The following DNAH7 variants were observed in gnomAD, a reference collection of about 807,000 sequenced individuals.
The protein encoded by DNAH7 is axonemal beta dynein heavy chain 7.
DNAH7 carries 397 observed loss-of-function variants against 444.6 expected under a neutral mutation model. The observed-to-expected ratio is 0.89, with a 90% confidence interval of 0.82 to 0.97. DNAH7 has a LOEUF of 0.97. Ranked by LOEUF, DNAH7 falls within the 50% of genes least tolerant of loss-of-function variation. The pLI is 0.00. For synonymous variants in DNAH7, 1,636 were observed against 1,624.4 expected (o/e 1.01, Z -0.17); for missense variants, 4,902 against 4,800.8 (o/e 1.02, Z -0.62).
chr2:195,896,886 T>G (rs1702351415), intron 29 of DNAH7, among the ~76,000 whole-genome samples: 1 of 152,210 alleles, frequency 6.6e-6, no homozygotes, highest in Admixed American at 6.5e-5. Flanking sequence ...TGGACAATAC[T>G]AGCAACAGCA....
chr2:195,998,433 G>T (rs551421304), intron 12 of DNAH7, among the ~76,000 whole-genome samples: 1 of 151,986 alleles, frequency 6.6e-6, no homozygotes. Flanking sequence ...AAATAGCCAC[G>T]CATGGTGGCG....
chr2:195,994,878 A>C, intron 12 of DNAH7: 1 of 406,530 alleles, frequency 2.5e-6, no homozygotes. Context: ...ACAGGCCTTG[A>C]CATTGGGCCA....
chr2:196,045,851 CA>C (rs1697087625), intron 5 of DNAH7, among the ~76,000 whole-genome samples: 1 of 151,530 alleles, frequency 6.6e-6, no homozygotes. Context: ...TAAGCAAAAG[CA>C]ACATATGATA....
intron 32 of DNAH7, 32 bp downstream of exon 32, chr2:195,888,767 T>A: frequency 6.3e-7 from 1 of 1,582,496 alleles, no homozygotes; most frequent in Non-Finnish European, 8.6e-7. Flanking sequence ...CATTTTATAA[T>A]TTATAAAAAG....
chr2:195,909,245 T>C (rs559821510), intron 25 of DNAH7, among the ~76,000 whole-genome samples: 71 of 151,818 alleles, frequency 4.7e-4, no homozygotes, highest in Non-Finnish European at 9.4e-4. Flanking sequence ...AAAATAAAAA[T>C]TGGAAATAAA....
chr2:195,948,900 C>T lies in DNAH7; in HGVS notation c.3078+8361G>A, dbSNP rs193240274. Among the ~76,000 whole-genome samples, 30 of 152,236 alleles carry T rather than the reference C, an allele frequency of 2.0e-4. No homozygotes were observed. The East Asian group carries it at 3.1e-3, about 16-fold the overall frequency. ...ACTTTGGGCAGTATGGCCATTTTCA[C>T]GATACTGATTCTTCCTATCCATGAG... On this transcript the variant is annotated intron_variant, in intron 19 of 64. Coordinates refer to ENST00000312428, the MANE Select transcript of DNAH7 (RefSeq NM_018897.3).
chr2:195,907,228 T>G (rs1235797842), intron 25 of DNAH7, among the ~76,000 whole-genome samples: 1 of 151,988 alleles, frequency 6.6e-6, no homozygotes, highest in Non-Finnish European at 1.5e-5. Context: ...ATTAACATTT[T>G]TCTCCTTTCT....
Position 196,019,223 on chromosome 2 carries a change from A to T in DNAH7, c.816T>A (p.Asn272Lys). The T allele has an allele frequency of 6.5e-7, 1 of 1,531,828 alleles. No individual in the cohort carries two copies. Among genetic ancestry groups the T allele is most frequent in the East Asian group, 2.3e-5 (1 of 43,536 alleles). The allele number at this position is 1,531,828 out of a possible 1,614,324, so 94.9% of individuals were successfully genotyped here. ...AASSYIRDHL[N>K]AMNPTMLAVL... Reference sequence around the variant, plus strand: ...CAGCCAGCATTGTGGGGTTCATTGCATTCAAGTGATCCCTAATATAACTGC... The same window carrying T: ...CAGCCAGCATTGTGGGGTTCATTGCTTTCAAGTGATCCCTAATATAACTGC... The change falls in exon 9 of 65, where the codon AAT becomes AAA. Residue 272 changes from asparagine to lysine, a missense_variant. Asn to Lys is a moderately conservative substitution (Grantham distance 94). Coordinates refer to ENST00000312428, the MANE Select transcript of DNAH7 (RefSeq NM_018897.3).
At chr2:196,008,460 T>A (rs1436275799) in intron 10 of DNAH7, among the ~76,000 whole-genome samples, 3 of 152,164 alleles carry the variant, frequency 2.0e-5, no homozygotes, top group Non-Finnish European at 4.4e-5. Context: ...AATATATTTA[T>A]GCAAAATAAA....
At chr2:195,928,642 C>A (rs1414881966) in intron 21 of DNAH7, among the ~76,000 whole-genome samples, 1 of 151,960 alleles carries the variant, frequency 6.6e-6, no homozygotes, top group Non-Finnish European at 1.5e-5. Context: ...TAAGTACATT[C>A]ATTATAATAT....
At position 195,857,590 on chromosome 2, in the gene DNAH7, T is replaced by C. The variant is rs776780893; in HGVS notation, c.8201A>G (p.Asp2734Gly). 6.2e-7 allele frequency: 1 copy of C among 1,613,912 alleles called. No homozygotes were observed. Among genetic ancestry groups the C allele is most frequent in the Non-Finnish European group, 8.5e-7 (1 of 1,179,930 alleles). The change falls in exon 44 of 65, where the codon GAT becomes GGT. Residue 2734 changes from aspartate (D) to glycine (G), a missense_variant. Transcript: ENST00000312428. ...DPTGSGKKIE[D>G]FWGPAKRLLG... ...AAGTCTCTTAGCTGGGCCCCAGAAA[T>C]CCTCAATTTTTTTCCCTGAACCTGT...
In DNAH7 at chr2:195,802,508, T is replaced by A. The variant is rs550658575; in HGVS notation, c.10177-3036A>T. Among the ~76,000 whole-genome samples the A allele has an allele frequency of 2.3e-4, 35 of 151,644 alleles. 1 individual carries two copies. In the South Asian group the frequency reaches 3.3e-3, roughly 14 times the overall value. On this transcript the variant is annotated intron_variant, in intron 54 of 64. Transcript: ENST00000312428. ...AGAACGAAACTCCATCTCAAAAAAA[T>A]TTTTTTTAAGATTAGCTGGGCATGG... is the stretch of plus-strand genomic sequence containing the variant.
intron 10 of DNAH7, among the ~76,000 whole-genome samples, chr2:196,004,123 T>C (rs570617459): frequency 3.8e-4 from 58 of 152,314 alleles, no homozygotes; most frequent in African/African-American, 1.3e-3. Flanking sequence ...ACAGAAAACC[T>C]TTAAAGGCAT....
intron 12 of DNAH7, among the ~76,000 whole-genome samples, chr2:195,991,787 G>C (rs1693356783): frequency 6.6e-6 from 1 of 152,132 alleles, no homozygotes; most frequent in South Asian, 2.1e-4. Flanking sequence ...AATGGTACCA[G>C]GAAACCTGCA....
intron 18 of DNAH7, 46 bp downstream of exon 18, chr2:195,960,214 A>T: frequency 1.4e-6 from 2 of 1,462,368 alleles, no homozygotes; most frequent in Non-Finnish European, 1.8e-6. Context: ...AACACAAGTG[A>T]TTTTGGTAAC....
chr2:196,051,646 A>G (rs1432561053), intron 2 of DNAH7, among the ~76,000 whole-genome samples: 2 of 152,270 alleles, frequency 1.3e-5, no homozygotes, highest in Admixed American at 6.5e-5. Flanking sequence ...GGGTGCCTGT[A>G]GTCCCAGCTA....
chr2:195,910,103 T>C lies in DNAH7; in HGVS notation c.4028A>G (p.Lys1343Arg). 2 of 1,613,872 alleles carry C rather than the reference T, an allele frequency of 1.2e-6. No homozygotes were observed. The highest frequency in any genetic ancestry group is 1.7e-6 in the Non-Finnish European group (2 of 1,179,862). ...GKTETTKDLA[K>R]AVAKQCVVFN... The stretch of plus-strand genomic sequence containing the variant: ...AACAACACATTGTTTGGCTACAGCT[T>C]TTGCCAAATCCTTGGTAGTTTCAGT... Residue 1343 changes from lysine (K) to arginine (R), a missense_variant, in exon 25 of 65, where the codon AAA becomes AGA. Lys to Arg is a conservative substitution (Grantham distance 26). Coordinates refer to ENST00000312428, the MANE Select transcript of DNAH7 (RefSeq NM_018897.3).
intron 1 of DNAH7, among the ~76,000 whole-genome samples, chr2:196,065,407 G>C (rs571025692): frequency 3.3e-5 from 5 of 152,268 alleles, no homozygotes; most frequent in African/African-American, 1.2e-4. Flanking sequence ...TAATCCAACT[G>C]ATTTATGGAC....
At chr2:195,858,362 C>T (rs997828509) in intron 43 of DNAH7, 112 bp downstream of exon 43, 2 of 888,604 alleles carry the variant, frequency 2.3e-6, no homozygotes, top group African/African-American at 1.7e-5. Flanking sequence ...ATTTCAGCTT[C>T]ATTAAAATTT....
Sources: gnomAD v4.1 joint callset for allele counts (sites outside exome capture counted in the v4.1 genomes callset) on GRCh38, gnomAD v4.1.1 for gene constraint, MANE v1.5 for transcripts, NCBI Gene and HGNC (gene_info 2026-07-23, HGNC 2026-07-21) for gene names.